The following LRRC28 variants were observed in gnomAD, a reference collection of about 807,000 sequenced individuals.
LRRC28 encodes the protein leucine-rich repeat-containing protein 28.
A neutral mutation model predicts 45.7 loss-of-function variants in LRRC28; 39 were observed. The observed-to-expected ratio is 0.85, with a 90% confidence interval of 0.66 to 1.12. The LOEUF (loss-of-function observed/expected upper bound fraction) is 1.12. Among genes scored for constraint, LRRC28 ranks in the 50% most tolerant of loss-of-function variants. The pLI is 0.00. For missense variants in LRRC28, 435 were observed against 438.5 expected (o/e 0.99, Z 0.07); for synonymous variants, 206 against 178.8 (o/e 1.15, Z -1.22).
At chr15:99,315,694 T>C (rs770327720) in intron 5 of LRRC28, among the ~76,000 whole-genome samples, 6 of 152,338 alleles carry the variant, frequency 3.9e-5, no homozygotes, top group Admixed American at 6.5e-5. Flanking sequence ...GGTTTGAAGT[T>C]GACTGCTACT....
intron 1 of LRRC28, among the ~76,000 whole-genome samples, chr15:99,253,125 A>ATT (rs3070451): frequency 0.14 from 21,176 of 148,796 alleles, 1,570 homozygotes; most frequent in Admixed American, 0.21. Flanking sequence ...TAGGGAAGTG[A>ATT]TTTTTTTTTT....
At chr15:99,329,546 A>G (rs912392182) in intron 5 of LRRC28, among the ~76,000 whole-genome samples, 7 of 152,214 alleles carry the variant, frequency 4.6e-5, no homozygotes, top group African/African-American at 1.4e-4. Context: ...GTGCATTTTT[A>G]TAAATTTGAG....
intron 7 of LRRC28, chr15:99,360,969 T>C (rs566801798): frequency 4.4e-5 from 7 of 157,922 alleles, no homozygotes; most frequent in African/African-American, 1.4e-4. Context: ...AAAGTACTCT[T>C]TTTTTTTCTT....
intron 5 of LRRC28, among the ~76,000 whole-genome samples, chr15:99,292,397 G>A (rs933420082): frequency 3.7e-5 from 5 of 134,892 alleles, no homozygotes; most frequent in African/African-American, 1.4e-4. Flanking sequence ...TCGCTCTGTC[G>A]CCCAGGCCGG....
At chr15:99,304,676 A>T (rs1294718304) in intron 5 of LRRC28, among the ~76,000 whole-genome samples, 3 of 151,936 alleles carry the variant, frequency 2.0e-5, no homozygotes, top group Admixed American at 2.0e-4. Flanking sequence ...TGAACTCCTG[A>T]CCTCAAGTGA....
chr15:99,286,764 T>A (rs2081970243), intron 3 of LRRC28: 1 of 152,318 alleles, frequency 6.6e-6, no homozygotes, highest in African/African-American at 2.4e-5. Flanking sequence ...AGTTGAGTAT[T>A]TCTACAGACA....
intron 2 of LRRC28, chr15:99,258,441 C>A: frequency 1.1e-6 from 1 of 874,820 alleles, no homozygotes; most frequent in Non-Finnish European, 1.9e-6. Flanking sequence ...ATTCACAGTT[C>A]ATAAACTTTC....
At chr15:99,270,023 A>G (rs780977019) in intron 2 of LRRC28, among the ~76,000 whole-genome samples, 5 of 152,232 alleles carry the variant, frequency 3.3e-5, no homozygotes, top group Admixed American at 6.5e-5. Flanking sequence ...GCTCTATGAC[A>G]TATATAAAAA....
chr15:99,348,758 G>GT (rs199840536), intron 6 of LRRC28, among the ~76,000 whole-genome samples: 6,544 of 136,448 alleles, frequency 0.048, 205 homozygotes, highest in Non-Finnish European at 0.07. Flanking sequence ...TTTTTTTTTT[G>GT]TTTTTTTTGT....
chr15:99,307,750 T>A (rs985649424), intron 5 of LRRC28, among the ~76,000 whole-genome samples: 2 of 152,214 alleles, frequency 1.3e-5, no homozygotes, highest in Admixed American at 1.3e-4. Context: ...CCAACACTCA[T>A]CTCAGTTTTA....
chr15:99,266,782 C>T, intron 2 of LRRC28, among the ~76,000 whole-genome samples: 1 of 152,180 alleles, frequency 6.6e-6, no homozygotes, highest in Non-Finnish European at 1.5e-5. Context: ...CTGTTTGAGT[C>T]TTTACCAAGT....
At chr15:99,297,479 G>C (rs1055585222) in intron 5 of LRRC28, 7 of 149,388 alleles carry the variant, frequency 4.7e-5, no homozygotes, top group African/African-American at 1.7e-4. Context: ...ACCCAGGCTG[G>C]TCTCAAACTC....
At chr15:99,258,817 T>C in intron 2 of LRRC28, 1 of 698,492 alleles carries the variant, frequency 1.4e-6, no homozygotes, top group Admixed American at 1.8e-5. Flanking sequence ...TTGATGAATA[T>C]GGATCTAAAA....
At chr15:99,264,782 G>A (rs986924708) in intron 2 of LRRC28, among the ~76,000 whole-genome samples, 2 of 151,974 alleles carry the variant, frequency 1.3e-5, no homozygotes, top group Non-Finnish European at 2.9e-5. Flanking sequence ...TTTCTAAGAG[G>A]ACAGAGTAAA....
intron 9 of LRRC28, among the ~76,000 whole-genome samples, chr15:99,365,012 A>C (rs947986087): frequency 6.6e-6 from 1 of 152,238 alleles, no homozygotes; most frequent in Non-Finnish European, 1.5e-5. Flanking sequence ...CCTTATTGAA[A>C]ATATGAAAAT....
chr15:99,379,143 T>A (rs900210899), intron 9 of LRRC28, among the ~76,000 whole-genome samples: 1 of 152,196 alleles, frequency 6.6e-6, no homozygotes, highest in Non-Finnish European at 1.5e-5. Flanking sequence ...TCTGGTAGAA[T>A]TCAGCTGTGA....
At chr15:99,363,016 G>T in intron 8 of LRRC28, 90 bp from the exon 9 acceptor site, 1 of 1,379,848 alleles carries the variant, frequency 7.2e-7, no homozygotes, top group South Asian at 1.4e-5. Flanking sequence ...TTAAGTAACT[G>T]AACTTATTTG....
At chr15:99,344,939 G>T (rs1281756135) in intron 6 of LRRC28, among the ~76,000 whole-genome samples, 1 of 152,184 alleles carries the variant, frequency 6.6e-6, no homozygotes, top group Admixed American at 6.5e-5. Context: ...ACCATTTGCT[G>T]CATGCCAAAG....
intron 6 of LRRC28, among the ~76,000 whole-genome samples, chr15:99,349,012 C>G (rs1956785479): frequency 6.6e-6 from 1 of 151,838 alleles, no homozygotes; most frequent in Non-Finnish European, 1.5e-5. Context: ...TACATTTATT[C>G]CTAGATATTT....
Sources: allele counts gnomAD v4.1 joint callset (sites outside exome capture counted in the v4.1 genomes callset), GRCh38; gene constraint gnomAD v4.1.1; transcripts MANE v1.5; gene names NCBI Gene and HGNC (gene_info 2026-07-23, HGNC 2026-07-21).